The following DDX1 variants were observed in gnomAD, a reference collection of about 807,000 sequenced individuals.
The protein encoded by DDX1 is DEAD-box helicase 1.
DDX1 carries 28 observed loss-of-function variants against 108.7 expected under a neutral mutation model. That is an observed-to-expected ratio of 0.26 (90% CI 0.19 to 0.35). The LOEUF is 0.35. Ranked by LOEUF, DDX1 falls within the 10% of genes least tolerant of loss-of-function variation. The pLI, the probability that DDX1 is intolerant of heterozygous loss-of-function variation, is 1.00. For missense variants in DDX1, 710 were observed against 884.5 expected, an observed-to-expected ratio of 0.80 and a Z score of 2.50; for synonymous variants, 295 against 288.9, an observed-to-expected ratio of 1.02 and a Z score of -0.21.
At chr2:15,629,111 C>A (rs1666149035) in intron 23 of DDX1, among the ~76,000 whole-genome samples, 1 of 152,078 alleles carries the variant, frequency 6.6e-6, no homozygotes, top group Non-Finnish European at 1.5e-5. Context: ...GGCATGGTGC[C>A]ATGGAAGACC....
At chr2:15,611,905 G>T (rs1216864343) in intron 13 of DDX1, among the ~76,000 whole-genome samples, 1 of 91,068 alleles carries the variant, frequency 1.1e-5, no homozygotes, top group Admixed American at 9.7e-5. Context: ...GCGGCTGGCC[G>T]GGCGGGGAGC....
At chr2:15,614,529 G>A (rs1281461680) in intron 14 of DDX1, among the ~76,000 whole-genome samples, 2 of 152,148 alleles carry the variant, frequency 1.3e-5, no homozygotes, top group Non-Finnish European at 2.9e-5. Context: ...GGAAGGCGGG[G>A]GCTTTTAACA....
At chr2:15,598,304 A>G (rs1665533729) in intron 5 of DDX1, among the ~76,000 whole-genome samples, 1 of 152,170 alleles carries the variant, frequency 6.6e-6, no homozygotes. Context: ...GAGATAGATA[A>G]TTGATGTAAC....
rs1429387422 is a variant in DDX1, at chr2:15,630,039, A to T, written c.2021A>T (p.Glu674Val). 1 of 1,613,114 alleles carries T rather than the reference A, an allele frequency of 6.2e-7. No homozygotes were observed. The highest frequency in any genetic ancestry group is 1.3e-5 in the African/African-American group (1 of 75,042). The change falls in exon 25 of 26, where the codon GAG becomes GTG. Residue 674 changes from glutamate (E) to valine (V), a missense_variant. Physicochemically the swap from Glu to Val is moderately radical, Grantham distance 121. Coordinates refer to ENST00000233084, the MANE Select transcript of DDX1 (RefSeq NM_004939.3). ...EHLNCTISQV[E>V]PDIKVPVDEF... Reference sequence around the variant, plus strand: ...CTGAACTGTACCATTTCTCAGGTTGAGCCGGATATAAAGGTACCAGTGGAT... The same window carrying T: ...CTGAACTGTACCATTTCTCAGGTTGTGCCGGATATAAAGGTACCAGTGGAT...
At chr2:15,598,326 T>C (rs1016934973) in intron 5 of DDX1, among the ~76,000 whole-genome samples, 16 of 152,194 alleles carry the variant, frequency 1.1e-4, no homozygotes, top group Non-Finnish European at 1.9e-4. Context: ...ATTTACACTA[T>C]TGGCCTATTC....
intron 13 of DDX1, among the ~76,000 whole-genome samples, chr2:15,608,337 A>G (rs1251638848): frequency 2.0e-5 from 3 of 152,072 alleles, no homozygotes; most frequent in Admixed American, 1.3e-4. Flanking sequence ...AGACCAGCCC[A>G]GCCAACACGG....
rs1236045021 is a variant in DDX1 at position 15,595,498 on chromosome 2, C to G, written c.77C>G (p.Thr26Ser). ...AAATATGATTCTTTTAGCCTCCCAA[C>G]TGATATCCAGGCTGAATCTATCCCA... is the stretch of plus-strand genomic sequence containing the variant. The part of the protein sequence containing the change: ...AVEEMDWLLP[T>S]DIQAESIPLI... The change falls in exon 3 of 26, where the codon ACT becomes AGT. Residue 26 changes from threonine (T) to serine (S), a missense_variant. Physicochemically the swap from Thr to Ser is moderately conservative, Grantham distance 58. This residue lies in a region of DDX1 where 48 missense variants were observed against 57.5 expected (regional missense o/e 0.83). Coordinates refer to ENST00000233084, the MANE Select transcript of DDX1 (RefSeq NM_004939.3). 1 of 1,610,280 alleles carries G rather than the reference C, an allele frequency of 6.2e-7. No individual in the cohort carries two copies. Among genetic ancestry groups the G allele is most frequent in the Admixed American group, 1.7e-5 (1 of 59,998 alleles).
At chr2:15,596,820 G>C in intron 4 of DDX1, 57 bp downstream of exon 4, 3 of 1,340,916 alleles carry the variant, frequency 2.2e-6, no homozygotes, top group Non-Finnish European at 3.2e-6. Flanking sequence ...AAATAACTTT[G>C]AACAGTAGTT....
Position 15,623,596 on chromosome 2 carries a change from A to G in DDX1, c.1594+14A>G, listed in dbSNP as rs1413087565. ...AACAAGGAGGAGGTAATTTTTTCTC[A>G]CTTGAAATAAATTGTGTTTATATCC... On this transcript the variant is annotated intron_variant, in intron 19 of 25. Transcript: ENST00000233084. 1.2e-6 allele frequency: 2 copies of G among 1,608,612 alleles called. No homozygotes were observed. The highest frequency in any genetic ancestry group is 2.2e-5 in the East Asian group (1 of 44,740).
intron 5 of DDX1, among the ~76,000 whole-genome samples, chr2:15,598,637 T>C (rs1218213352): frequency 2.0e-5 from 3 of 152,190 alleles, no homozygotes; most frequent in Non-Finnish European, 4.4e-5. Flanking sequence ...AATAGCTACA[T>C]TGAGCCACAA....
intron 6 of DDX1, 102 bp from the exon 7 acceptor site, chr2:15,602,446 G>A (rs75048671): frequency 0.054 from 40,800 of 756,118 alleles, 1,373 homozygotes; most frequent in Admixed American, 0.07. Flanking sequence ...GAATTATCTT[G>A]TTAGTGAGAC....
intron 18 of DDX1, among the ~76,000 whole-genome samples, chr2:15,622,017 T>G (rs141492342): frequency 6.6e-6 from 1 of 152,348 alleles, no homozygotes; most frequent in Non-Finnish European, 1.5e-5. Flanking sequence ...AGAGAGATTA[T>G]TTTATATTGA....
rs893920394 is a variant in DDX1, at chr2:15,618,326, G to A, written c.1206+56G>A. On this transcript the variant is annotated intron_variant, in intron 16 of 25. Coordinates refer to ENST00000233084, the MANE Select transcript of DDX1 (RefSeq NM_004939.3). ...CATGTAAACAATTGTTATGTATAAT[G>A]TTACGGGATCCCAGGGGGTGTTGCT... is the stretch of plus-strand genomic sequence containing the variant. The A allele has an allele frequency of 3.6e-5, 32 of 897,848 alleles. No homozygotes were observed. The African/African-American group carries it at 5.1e-4, about 14-fold the overall frequency. The allele number at this position is 897,848 out of a possible 1,614,324, so 55.6% of individuals were successfully genotyped here.
At chr2:15,618,796 G>T (rs1665942538) in intron 16 of DDX1, among the ~76,000 whole-genome samples, 1 of 152,238 alleles carries the variant, frequency 6.6e-6, no homozygotes, top group African/African-American at 2.4e-5. Flanking sequence ...CTCCTTCCGT[G>T]TTCGCTGGCG....
chr2:15,623,544 G>C lies in DDX1; in HGVS notation c.1556G>C (p.Cys519Ser). ...AIIFCRTKID[C>S]DNLEQYFIQQ... Reference sequence around the variant, plus strand: ...ATCTTCTGTAGAACCAAAATTGACTGTGATAACTTGGAGCAGTACTTTATA... The same window carrying C: ...ATCTTCTGTAGAACCAAAATTGACTCTGATAACTTGGAGCAGTACTTTATA... The change falls in exon 19 of 26, where the codon TGT (cysteine) becomes TCT (serine). Residue 519 changes from cysteine (C) to serine (S), a missense_variant. By Grantham distance (112) the Cys-to-Ser change is moderately radical. This residue lies in a region of DDX1 where 661 missense variants were observed against 810.2 expected (regional missense o/e 0.82). Transcript: ENST00000233084. 6.2e-7 allele frequency: 1 copy of C among 1,613,506 alleles called. No homozygotes were observed. Among genetic ancestry groups the C allele is most frequent in the African/African-American group, 1.3e-5 (1 of 75,030 alleles).
chr2:15,611,874 G>C (rs1478798292), intron 13 of DDX1, among the ~76,000 whole-genome samples: 2 of 39,856 alleles, frequency 5.0e-5, no homozygotes, highest in African/African-American at 3.3e-4. Flanking sequence ...GGGCAGAGGC[G>C]CCCCTCACCT....
chr2:15,598,799 TTA>T (rs1665540730), intron 5 of DDX1, among the ~76,000 whole-genome samples: 1 of 152,238 alleles, frequency 6.6e-6, no homozygotes, highest in Admixed American at 6.5e-5. Flanking sequence ...ATTACAATTC[TTA>T]GTTTATACGT....
chr2:15,629,233 A>T (rs1416116358), intron 23 of DDX1, among the ~76,000 whole-genome samples: 1 of 152,124 alleles, frequency 6.6e-6, no homozygotes, highest in Non-Finnish European at 1.5e-5. Context: ...TACATTTTGC[A>T]TTATTTGCTT....
chr2:15,602,140 GT>G (rs1236438334), intron 6 of DDX1, among the ~76,000 whole-genome samples: 6 of 152,184 alleles, frequency 3.9e-5, no homozygotes, highest in Admixed American at 1.3e-4. Flanking sequence ...TGATGAGCGA[GT>G]TGTGCATCAT....
Sources: gnomAD v4.1 joint callset for allele counts (sites outside exome capture counted in the v4.1 genomes callset) on GRCh38, gnomAD v4.1.1 for gene constraint, gnomAD v4.1.1 regional missense constraint, MANE v1.5 for transcripts, NCBI Gene and HGNC (gene_info 2026-07-23, HGNC 2026-07-21) for gene names.